Variants in BBS5 observed in about 807,000 individuals in gnomAD.
BBS5 encodes the protein Bardet-Biedl syndrome 5, also known as BBSome complex member BBS5.
Under a neutral mutation model 50.2 loss-of-function variants are expected in BBS5, and 39 were observed. The observed-to-expected ratio is 0.78, with a 90% CI of 0.60 to 1.01. The LOEUF (loss-of-function observed/expected upper bound fraction) is 1.01, where lower values mean the gene tolerates loss of function less well. Among genes scored for constraint, BBS5 ranks in the 50% least tolerant of loss-of-function variants. The pLI is 0.00. For synonymous variants in BBS5, 134 were observed against 133.1 expected (o/e 1.01, Z -0.05); for missense variants, 356 against 401.5 (o/e 0.89, Z 0.97).
chr2:169,490,583 A>T (rs1320790079), intron 5 of BBS5, among the ~76,000 whole-genome samples: 1 of 152,136 alleles, frequency 6.6e-6, no homozygotes, highest in African/African-American at 2.4e-5. Flanking sequence ...TTAGTTTCCT[A>T]GTTTATTTGA....
chr2:169,487,364 G>T (rs979940028), intron 3 of BBS5, among the ~76,000 whole-genome samples: 2 of 151,964 alleles, frequency 1.3e-5, no homozygotes, highest in Non-Finnish European at 2.9e-5. Context: ...CTTGTTTTTT[G>T]ATTATTTTTG....
chr2:169,492,767 T>G, intron 5 of BBS5, 107 bp from the exon 6 acceptor site: 1 of 946,012 alleles, frequency 1.1e-6, no homozygotes, highest in Non-Finnish European at 1.6e-6. Flanking sequence ...CATAATTATT[T>G]GAGTAATGTT....
At chr2:169,487,682 TTATTTC>T (rs1683509800) in intron 3 of BBS5, 118 bp from the exon 4 acceptor site, 1 of 627,780 alleles carries the variant, frequency 1.6e-6, no homozygotes, top group Non-Finnish European at 2.7e-6. Flanking sequence ...TTTTAAAAGT[TTATTTC>T]TATATATGTT....
chr2:169,493,896 A>T (rs1683648495), intron 7 of BBS5, 60 bp downstream of exon 7: 1 of 1,149,748 alleles, frequency 8.7e-7, no homozygotes. Context: ...TTTGTTCAAT[A>T]GTTAATTGGA....
intron 1 of BBS5, among the ~76,000 whole-genome samples, chr2:169,480,670 C>CTTTTTTTTTTTTTTTTT (rs577688589): frequency 2.7e-5 from 2 of 73,168 alleles, no homozygotes; most frequent in African/African-American, 5.3e-5. Context: ...TTCTGTCATT[C>CTTTTTTTTTTTTTTTTT]TTTTTTTTTT....
chr2:169,481,901 A>G (rs937764916), intron 1 of BBS5, among the ~76,000 whole-genome samples: 1 of 151,600 alleles, frequency 6.6e-6, no homozygotes, highest in Non-Finnish European at 1.5e-5. Context: ...TTCTCTCACT[A>G]CCTCCCAATA....
chr2:169,483,906 C>T (rs138185311), intron 2 of BBS5, among the ~76,000 whole-genome samples: 393 of 152,246 alleles, frequency 2.6e-3, no homozygotes, highest in Non-Finnish European at 4.4e-3. Context: ...TGTATCTTGA[C>T]GAACTCAGAA....
chr2:169,483,838 G>A (rs1200141244), intron 2 of BBS5, among the ~76,000 whole-genome samples: 2 of 152,122 alleles, frequency 1.3e-5, no homozygotes, highest in African/African-American at 2.4e-5. Context: ...GGCAGCAAAC[G>A]AAAAGTCTTA....
Position 169,493,738 on chromosome 2 carries a change from C to T in BBS5, c.523-3C>T. ...TTCGGTATCTCATTACTGTTTTTTA[C>T]AGGGCAATTTAGGAACCTTTTTTAT... On this transcript the variant is annotated splice_region_variant and splice_polypyrimidine_tract_variant and intron_variant, in intron 6 of 11. Transcript: ENST00000295240. 1.9e-6 allele frequency: 3 copies of T among 1,600,662 alleles called. No individual in the cohort carries two copies. The highest frequency in any genetic ancestry group is 2.6e-6 in the Non-Finnish European group (3 of 1,167,944).
intron 1 of BBS5, among the ~76,000 whole-genome samples, chr2:169,481,010 C>G (rs904836749): frequency 3.9e-5 from 6 of 152,106 alleles, no homozygotes; most frequent in Non-Finnish European, 8.8e-5. Context: ...GGTTCTTAAT[C>G]CAAACAAAAG....
At position 169,488,112 on chromosome 2, in the gene BBS5, C is replaced by A. The variant is rs1559122273; in HGVS notation, c.384C>A (p.His128Gln). 6.2e-7 allele frequency: 1 copy of A among 1,612,822 alleles called. No homozygotes were observed. ...PRLFTSVMAV[H>Q]RAYETSKMYR... ...TTTTTACTTCTGTGATGGCAGTACA[C>A]AGGTATAGTAATACTTTATGGATTA... Residue 128 changes from histidine (H) to glutamine (Q), a missense_variant and splice_region_variant, in exon 5 of 12, where the codon CAC (histidine) becomes CAA (glutamine). By Grantham distance (24) the His-to-Gln change is conservative (BLOSUM62 0). Transcript: ENST00000295240.
intron 9 of BBS5, among the ~76,000 whole-genome samples, chr2:169,500,116 T>C (rs1683771531): frequency 6.6e-6 from 1 of 152,240 alleles, no homozygotes; most frequent in African/African-American, 2.4e-5. Flanking sequence ...CCTGCCCACA[T>C]GTCTGCTCTT....
At position 169,503,018 on chromosome 2, in the gene BBS5, T is replaced by C. The variant is rs1683836962; in HGVS notation, c.817-77T>C. On this transcript the variant is annotated intron_variant, in intron 9 of 11. Coordinates refer to ENST00000295240, the MANE Select transcript of BBS5 (RefSeq NM_152384.3). Reference sequence around the variant, plus strand: ...TAAGACTTTAGTAGTTTGTAATTGTTATTTTAACAGTATTTGCAGTTCTCA... The same window carrying C: ...TAAGACTTTAGTAGTTTGTAATTGTCATTTTAACAGTATTTGCAGTTCTCA... 7 of 1,058,534 alleles carry C rather than the reference T, an allele frequency of 6.6e-6. No homozygotes were observed. In the East Asian group the frequency reaches 1.7e-4, roughly 26 times the overall value. 65.6% of individuals were successfully genotyped at this position (1,058,534 alleles called of 1,614,324 possible).
rs765652274 is a variant in BBS5 at position 169,499,544 on chromosome 2, T to G, written c.740T>G (p.Val247Gly). The G allele has an allele frequency of 6.2e-7, 1 of 1,613,450 alleles. No homozygotes were observed. Among genetic ancestry groups the G allele is most frequent in the Admixed American group, 1.7e-5 (1 of 60,016 alleles). ...IDPVEKLQES[V>G]KEINSLHKVY... ...CCTGTGGAAAAACTACAAGAATCAGTTAAGGAAATCAATTCACTTCACAAA... is the reference window on the plus strand; with the variant it reads ...CCTGTGGAAAAACTACAAGAATCAGGTAAGGAAATCAATTCACTTCACAAA... The change falls in exon 9 of 12, where the codon GTT (valine) becomes GGT (glycine). Residue 247 changes from valine (V) to glycine (G), a missense_variant. Coordinates refer to ENST00000295240, the MANE Select transcript of BBS5 (RefSeq NM_152384.3).
chr2:169,488,188 C>T, intron 5 of BBS5, 74 bp downstream of exon 5: 2 of 1,474,782 alleles, frequency 1.4e-6, no homozygotes, highest in Non-Finnish European at 9.4e-7. Context: ...AGTCCCCAAC[C>T]TTTTTGGCAC....
rs10179814 is a variant in BBS5 at position 169,502,039 on chromosome 2, C to G, written c.817-1056C>G. On this transcript the variant is annotated intron_variant, in intron 9 of 11. Transcript: ENST00000295240. ...CCCATCACTTTATTCTGCTTGCTTA[C>G]TTTCTCTCTCCTTCCTCCCTTCCTT... Among the ~76,000 whole-genome samples the G allele has an allele frequency of 4.6e-3, 701 of 152,232 alleles. 8 individuals are homozygous for G. The highest frequency in any genetic ancestry group is 0.016 in the African/African-American group (672 of 41,526).
intron 2 of BBS5, among the ~76,000 whole-genome samples, chr2:169,486,401 G>GT (rs1281125962): frequency 2.0e-5 from 3 of 152,030 alleles, no homozygotes; most frequent in Non-Finnish European, 2.9e-5. Context: ...CAAATTTATT[G>GT]TTTTTTTCTT....
rs967273598 is a variant in BBS5 at position 169,506,277 on chromosome 2, G to A, written c.*1695G>A. Reference sequence around the variant, plus strand: ...TGGGAAGTGAGGAGCCCCTCTGCCCGGCCACCACCCCGTCTGGGAGGTGTA... The same window carrying A: ...TGGGAAGTGAGGAGCCCCTCTGCCCAGCCACCACCCCGTCTGGGAGGTGTA... On this transcript the variant is annotated 3_prime_UTR_variant, in exon 12 of 12. Coordinates refer to ENST00000295240, the MANE Select transcript of BBS5 (RefSeq NM_152384.3). 12 of 167,380 alleles carry A rather than the reference G, an allele frequency of 7.2e-5. No homozygotes were observed. The highest frequency in any genetic ancestry group is 5.0e-5 in the Non-Finnish European group (4 of 80,192). The allele number at this position is 167,380 out of a possible 1,614,324, so 10.4% of individuals were successfully genotyped here.
chr2:169,493,870 T>C, intron 7 of BBS5, 34 bp downstream of exon 7: 1 of 1,366,238 alleles, frequency 7.3e-7, no homozygotes, highest in Non-Finnish European at 1.0e-6. Context: ...CTTATTTTAA[T>C]GTAAAATAAA....
Sources: allele counts gnomAD v4.1 joint callset (sites outside exome capture counted in the v4.1 genomes callset), GRCh38; gene constraint gnomAD v4.1.1; transcripts MANE v1.5; gene names NCBI Gene and HGNC (gene_info 2026-07-23, HGNC 2026-07-21).